CFAP54: variants seen among roughly 807,000 people sequenced by gnomAD.
CFAP54 encodes cilia- and flagella-associated protein 54.
In CFAP54, 290 loss-of-function variants were observed where a neutral mutation model predicts 370.4. The observed-to-expected ratio is 0.78, with a 90% CI of 0.71 to 0.86. The LOEUF (loss-of-function observed/expected upper bound fraction) is 0.86, where lower values mean the gene tolerates loss of function less well. CFAP54 is among the 40% of genes least tolerant of loss of function. CFAP54 has a pLI of 0.00. For missense variants in CFAP54, 3,399 were observed against 3,528.7 expected, an observed-to-expected ratio of 0.96 and a Z score of 0.93; for synonymous variants, 1,206 against 1,236.5, an observed-to-expected ratio of 0.98 and a Z score of 0.52.
chr12:96,846,215 C>T (rs1460058848), intron 66 of CFAP54, among the ~76,000 whole-genome samples: 1 of 152,208 alleles, frequency 6.6e-6, no homozygotes, highest in African/African-American at 2.4e-5. Flanking sequence ...TTTTTTAACA[C>T]ATTGAATGTA....
intron 66 of CFAP54, among the ~76,000 whole-genome samples, chr12:96,837,531 A>G (rs941552775): frequency 6.6e-6 from 1 of 152,226 alleles, no homozygotes; most frequent in African/African-American, 2.4e-5. Flanking sequence ...TGTCTCCTGT[A>G]TAAGTGCAGG....
chr12:96,527,022 A>G (rs915697657), intron 8 of CFAP54, among the ~76,000 whole-genome samples: 1 of 150,350 alleles, frequency 6.7e-6, no homozygotes. Context: ...CAGCCTCCCA[A>G]GTAGCTGGGA....
In CFAP54 at chr12:96,857,407, G is replaced by C. The variant is rs545928453; in HGVS notation, c.9172-3412G>C. Among the ~76,000 whole-genome samples the C allele has an allele frequency of 6.6e-5, 10 of 152,152 alleles. No homozygotes were observed. In the South Asian group the frequency reaches 2.1e-3, roughly 32 times the overall value. On this transcript the variant is annotated intron_variant, in intron 66 of 67. Coordinates refer to ENST00000524981, the MANE Select transcript of CFAP54 (RefSeq NM_001306084.2). The stretch of plus-strand genomic sequence containing the variant: ...ATGTGGTATTTGGTTTTCTGTTCCT[G>C]CGTTAGTTTGCTGAGGATAATAGCC...
chr12:96,491,965 G>A (rs1238252795), intron 1 of CFAP54, among the ~76,000 whole-genome samples: 9 of 152,080 alleles, frequency 5.9e-5, no homozygotes, highest in Admixed American at 5.9e-4. Flanking sequence ...TCGCCATGTT[G>A]GCCAGGCTGG....
rs910730800 is a variant in CFAP54, at chr12:96,856,994, T to C, written c.9172-3825T>C. On this transcript the variant is annotated intron_variant, in intron 66 of 67. Transcript: ENST00000524981. Reference sequence around the variant, plus strand: ...TGGGGAGGCCTCAGGAAACTTACAATCATGGTGCGAGGGGAAGCAAACACA... The same window carrying C: ...TGGGGAGGCCTCAGGAAACTTACAACCATGGTGCGAGGGGAAGCAAACACA... Among the ~76,000 whole-genome samples the C allele has an allele frequency of 3.9e-5, 6 of 152,262 alleles. No homozygotes were observed. The South Asian group carries it at 6.2e-4, about 16-fold the overall frequency.
intron 38 of CFAP54, 76 bp downstream of exon 38, chr12:96,658,422 A>ACGCCTGTAATCCCAGCACTTTGGG: frequency 6.7e-7 from 1 of 1,484,840 alleles, no homozygotes; most frequent in Non-Finnish European, 9.3e-7. Context: ...AAAGATTTAG[A>ACGCCTGTAATCCCAGCACTTTGGG]AGTCAGATAA....
At chr12:96,597,018 G>A (rs570390821) in intron 25 of CFAP54, among the ~76,000 whole-genome samples, 11 of 151,950 alleles carry the variant, frequency 7.2e-5, no homozygotes, top group Admixed American at 3.9e-4. Flanking sequence ...TGGGGCAATT[G>A]CATTCTCATT....
intron 65 of CFAP54, among the ~76,000 whole-genome samples, chr12:96,824,429 G>A (rs1376830028): frequency 6.6e-6 from 1 of 152,152 alleles, no homozygotes. Flanking sequence ...CATAGACAGT[G>A]TCATTTTGTT....
Position 96,806,184 on chromosome 12 carries a change from ATATATATATATATATATATATATATATAT to A in CFAP54, c.8851-5551_8851-5523del, listed in dbSNP as rs1565984861. ...AATATATATATATATATATATATAT[ATATATATATATATATATATATATATATAT>A]AATAACAACATAAAAAGAAAGTTGG... On this transcript the variant is annotated intron_variant, in intron 63 of 67. Coordinates refer to ENST00000524981, the MANE Select transcript of CFAP54 (RefSeq NM_001306084.2). Among the ~76,000 whole-genome samples, 100 of 80,170 alleles carry A rather than the reference ATATATATATATATATATATATATATATAT, an allele frequency of 1.2e-3. 6 individuals are homozygous for A. The highest frequency in any genetic ancestry group is 4.6e-3 in the African/African-American group (93 of 20,180). The allele number at this position is 80,170 out of a possible 152,430, so 52.6% of individuals were successfully genotyped here.
intron 66 of CFAP54, 125 bp from the exon 67 acceptor site, chr12:96,860,694 C>A: frequency 1.1e-6 from 1 of 949,982 alleles, no homozygotes; most frequent in Non-Finnish European, 1.5e-6. Flanking sequence ...TTGTGCCTTA[C>A]CTGAGACACA....
At chr12:96,725,353 G>C (rs1957819280) in intron 50 of CFAP54, among the ~76,000 whole-genome samples, 1 of 151,848 alleles carries the variant, frequency 6.6e-6, no homozygotes, top group Non-Finnish European at 1.5e-5. Flanking sequence ...TTATTTCATT[G>C]AGCAGTGGTT....
At chr12:96,724,759 T>G (rs967497953) in intron 50 of CFAP54, among the ~76,000 whole-genome samples, 80 of 152,272 alleles carry the variant, frequency 5.3e-4, no homozygotes, top group Admixed American at 5.2e-4. Flanking sequence ...CCATGCCTAT[T>G]TCCTGAATGG....
chr12:96,854,396 A>T (rs1226234521), intron 66 of CFAP54, among the ~76,000 whole-genome samples: 1 of 152,212 alleles, frequency 6.6e-6, no homozygotes, highest in Admixed American at 6.6e-5. Flanking sequence ...GAGTGTAGGG[A>T]AACCCTCATA....
At chr12:96,592,815 G>GT (rs1330157985) in intron 24 of CFAP54, among the ~76,000 whole-genome samples, 178 bp downstream of exon 24, 4 of 151,934 alleles carry the variant, frequency 2.6e-5, no homozygotes, top group African/African-American at 9.7e-5. Context: ...CTGAGTTCAT[G>GT]TTTTTTTCTC....
intron 1 of CFAP54, among the ~76,000 whole-genome samples, chr12:96,494,817 C>G (rs1440492742): frequency 1.3e-5 from 2 of 151,964 alleles, no homozygotes; most frequent in African/African-American, 4.8e-5. Context: ...GCTTCCGCCT[C>G]CCGGATTCCA....
At chr12:96,656,431 A>G (rs1303961950) in intron 36 of CFAP54, among the ~76,000 whole-genome samples, 1 of 151,908 alleles carries the variant, frequency 6.6e-6, no homozygotes, top group African/African-American at 2.4e-5. Flanking sequence ...AGGCTGGAGT[A>G]CAATGGCACA....
chr12:96,588,023 G>A (rs1382526896), intron 22 of CFAP54, among the ~76,000 whole-genome samples: 2 of 152,160 alleles, frequency 1.3e-5, no homozygotes, highest in African/African-American at 4.8e-5. Flanking sequence ...AATAAATACA[G>A]CAATGCACAT....
intron 65 of CFAP54, among the ~76,000 whole-genome samples, chr12:96,826,920 G>A (rs1487541721): frequency 2.4e-5 from 3 of 124,186 alleles, no homozygotes. Context: ...AATTATATAT[G>A]ATTATATATA....
chr12:96,647,529 T>C (rs1220198479), intron 33 of CFAP54, among the ~76,000 whole-genome samples: 1 of 134,592 alleles, frequency 7.4e-6, no homozygotes, highest in Non-Finnish European at 1.6e-5. Flanking sequence ...CATTACTATA[T>C]ATAGTAAGCA....
Sources: allele counts gnomAD v4.1 joint callset (sites outside exome capture counted in the v4.1 genomes callset), GRCh38; gene constraint gnomAD v4.1.1; transcripts MANE v1.5; gene names NCBI Gene and HGNC (gene_info 2026-07-23, HGNC 2026-07-21).